DCDC2: variants seen among roughly 807,000 people sequenced by gnomAD.
The protein encoded by DCDC2 is doublecortin domain-containing protein 2.
In DCDC2, 40 loss-of-function variants were observed where a neutral mutation model predicts 50.2. That is an observed-to-expected ratio of 0.80 (90% CI 0.62 to 1.04). The LOEUF (loss-of-function observed/expected upper bound fraction) is 1.04, where lower values mean the gene tolerates loss of function less well. Ranked by LOEUF, DCDC2 falls within the 50% of genes least tolerant of loss-of-function variation. DCDC2 has a pLI of 0.00. For synonymous variants in DCDC2, 234 were observed against 210.6 expected (o/e 1.11, Z -0.96); for missense variants, 570 against 581.9 (o/e 0.98, Z 0.21).
In DCDC2 at chr6:24,172,138, T is replaced by C. The variant is rs190602092; in HGVS notation, c.*2592A>G. ...TGCCACATTTGTGAGGTGAATGAAC[T>C]TTCAGCATTTATGTTAAAGTCATCT... On this transcript the variant is annotated 3_prime_UTR_variant, in exon 10 of 10. Coordinates refer to ENST00000378454, the MANE Select transcript of DCDC2 (RefSeq NM_016356.5). 1.3e-5 allele frequency: 2 copies of C among 152,338 alleles called. No individual in the cohort carries two copies. Among genetic ancestry groups the C allele is most frequent in the Non-Finnish European group, 2.9e-5 (2 of 68,036 alleles). 9.4% of individuals were successfully genotyped at this position (152,338 alleles called of 1,614,324 possible). A position where few individuals can be genotyped will look rare whatever the true frequency, so the allele number is the denominator to read the frequency against.
At chr6:24,203,303 G>A (rs1087293) in intron 8 of DCDC2, among the ~76,000 whole-genome samples, 78,902 of 151,936 alleles carry the variant, frequency 0.52, 21,293 homozygotes, top group Non-Finnish European at 0.58. Flanking sequence ...GACCAACTGA[G>A]CAGCACAGAG....
At chr6:24,346,232 T>C (rs1451693192) in intron 2 of DCDC2, among the ~76,000 whole-genome samples, 1 of 151,996 alleles carries the variant, frequency 6.6e-6, no homozygotes, top group Non-Finnish European at 1.5e-5. Context: ...TTCCAACTTG[T>C]TCTGTATTAG....
intron 7 of DCDC2, among the ~76,000 whole-genome samples, chr6:24,210,504 A>G (rs1761843548): frequency 6.6e-6 from 1 of 152,130 alleles, no homozygotes; most frequent in African/African-American, 2.4e-5. Context: ...TCCTGGCCTC[A>G]GTTTCTATAT....
At chr6:24,264,155 G>T (rs1021613995) in intron 7 of DCDC2, among the ~76,000 whole-genome samples, 2 of 152,166 alleles carry the variant, frequency 1.3e-5, no homozygotes, top group African/African-American at 4.8e-5. Flanking sequence ...TTTCAAACAT[G>T]AAGGAGAAAT....
intron 8 of DCDC2, among the ~76,000 whole-genome samples, chr6:24,203,417 A>T (rs1761631930): frequency 6.6e-6 from 1 of 152,248 alleles, no homozygotes; most frequent in Admixed American, 6.5e-5. Flanking sequence ...TGGCGTTGGG[A>T]AAACTGGCTA....
intron 2 of DCDC2, among the ~76,000 whole-genome samples, chr6:24,336,335 T>C (rs1279538875): frequency 6.6e-6 from 1 of 152,198 alleles, no homozygotes; most frequent in Non-Finnish European, 1.5e-5. Flanking sequence ...TTTTTCCACT[T>C]ATTGCAAGGA....
intron 9 of DCDC2, 59 bp from the exon 10 acceptor site, chr6:24,174,893 C>T (rs554387858): frequency 3.7e-5 from 39 of 1,060,764 alleles, no homozygotes; most frequent in Middle Eastern, 4.3e-4. Flanking sequence ...AAGGTAATGA[C>T]ATTTATAAAG....
chr6:24,265,833 A>G (rs1763108106), intron 7 of DCDC2, among the ~76,000 whole-genome samples: 1 of 151,918 alleles, frequency 6.6e-6, no homozygotes, highest in South Asian at 2.1e-4. Flanking sequence ...ATATACCATA[A>G]TGATGTATCT....
intron 8 of DCDC2, among the ~76,000 whole-genome samples, chr6:24,183,759 G>A (rs967871185): frequency 2.0e-5 from 3 of 152,174 alleles, no homozygotes; most frequent in Non-Finnish European, 4.4e-5. Flanking sequence ...CACTGTCTCC[G>A]AGATCAAAGA....
chr6:24,275,519 G>C (rs1385692223), intron 7 of DCDC2, among the ~76,000 whole-genome samples: 4 of 152,096 alleles, frequency 2.6e-5, no homozygotes, highest in African/African-American at 9.7e-5. Context: ...TTCTAGATCA[G>C]TGGTACAAGC....
chr6:24,288,178 G>C (rs796665387), intron 6 of DCDC2, among the ~76,000 whole-genome samples: 12 of 152,272 alleles, frequency 7.9e-5, no homozygotes, highest in African/African-American at 2.9e-4. Context: ...AATCAGTTCT[G>C]ATCACAACTT....
In DCDC2 at chr6:24,278,029, G is replaced by C; in HGVS notation, c.922+20C>G. ...AATTAAAATTGTATCACAGCCTTAA[G>C]ATAATAATAACACACTTACCACTAT... On this transcript the variant is annotated intron_variant, in intron 7 of 9. Coordinates refer to ENST00000378454, the MANE Select transcript of DCDC2 (RefSeq NM_016356.5). The C allele has an allele frequency of 3.2e-6, 5 of 1,579,498 alleles. No individual in the cohort carries two copies. The highest frequency in any genetic ancestry group is 4.3e-6 in the Non-Finnish European group (5 of 1,154,984).
Position 24,281,700 on chromosome 6 carries a change from G to C in DCDC2, c.760-3489C>G, listed in dbSNP as rs183460120. Among the ~76,000 whole-genome samples the C allele has an allele frequency of 1.9e-3, 287 of 152,078 alleles. 1 individual carries two copies. Among genetic ancestry groups the C allele is most frequent in the African/African-American group, 6.4e-3 (266 of 41,474 alleles). On this transcript the variant is annotated intron_variant, in intron 6 of 9. Coordinates refer to ENST00000378454, the MANE Select transcript of DCDC2 (RefSeq NM_016356.5). The stretch of plus-strand genomic sequence containing the variant: ...AGAGGGAGCTTTTTCTTTCTGTAAG[G>C]CTTCCACATGTGACTTGTAACTCAA...
rs997403731 is a variant in DCDC2 at position 24,217,814 on chromosome 6, A to T, written c.923-12712T>A. Among the ~76,000 whole-genome samples the T allele has an allele frequency of 5.3e-5, 8 of 152,352 alleles. No homozygotes were observed. In the East Asian group the frequency reaches 1.5e-3, roughly 29 times the overall value. On this transcript the variant is annotated intron_variant, in intron 7 of 9. Transcript: ENST00000378454. ...TATCAGAGTCGATACCTTGCTCAAG[A>T]TATAATAACTTTAACTGGTGGTTAA...
chr6:24,291,077 GCCTGT>G lies in DCDC2; in HGVS notation c.558-4_558del, dbSNP rs1284359919. The stretch of plus-strand genomic sequence containing the variant: ...ACAAGTTTTCCTTCTAAAGTATAAA[GCCTGT>G]CGAAAATATGAACACCAACAATTAG... On this transcript the variant is annotated splice_acceptor_variant and splice_polypyrimidine_tract_variant and coding_sequence_variant and intron_variant, in exon 5 of 10. Coordinates refer to ENST00000378454, the MANE Select transcript of DCDC2 (RefSeq NM_016356.5). LOFTEE classifies it high-confidence loss of function. 3 of 1,607,916 alleles carry G rather than the reference GCCTGT, an allele frequency of 1.9e-6. No homozygotes were observed. Among genetic ancestry groups the G allele is most frequent in the African/African-American group, 2.7e-5 (2 of 74,662 alleles).
intron 4 of DCDC2, among the ~76,000 whole-genome samples, chr6:24,300,301 G>A (rs981257458): frequency 2.6e-5 from 4 of 152,040 alleles, no homozygotes; most frequent in African/African-American, 9.7e-5. Flanking sequence ...AGTATCAATT[G>A]AGTCTGCACA....
At chr6:24,321,887 G>A (rs79900548) in intron 2 of DCDC2, among the ~76,000 whole-genome samples, 2 of 152,148 alleles carry the variant, frequency 1.3e-5, no homozygotes, top group East Asian at 1.9e-4. Context: ...AATTAATTAC[G>A]TGTGACAAAT....
At chr6:24,310,813 AT>A (rs924867549) in intron 2 of DCDC2, among the ~76,000 whole-genome samples, 6 of 151,920 alleles carry the variant, frequency 3.9e-5, no homozygotes, top group African/African-American at 9.7e-5. Flanking sequence ...AATCACCTGC[AT>A]TTTTTTTCAA....
At chr6:24,324,931 A>G (rs1759831565) in intron 2 of DCDC2, among the ~76,000 whole-genome samples, 1 of 152,048 alleles carries the variant, frequency 6.6e-6, no homozygotes, top group African/African-American at 2.4e-5. Flanking sequence ...AAAGAGAGAG[A>G]GAGAGCTATG....
Sources: allele counts gnomAD v4.1 joint callset (sites outside exome capture counted in the v4.1 genomes callset), GRCh38; gene constraint gnomAD v4.1.1; transcripts MANE v1.5; gene names NCBI Gene and HGNC (gene_info 2026-07-23, HGNC 2026-07-21).